CADM2: variants seen among roughly 807,000 people sequenced by gnomAD.
CADM2 encodes the protein immunoglobulin superfamily member 4D.
Under a neutral mutation model 49.8 loss-of-function variants are expected in CADM2, and 12 were observed. The observed-to-expected ratio is 0.24, with a 90% confidence interval of 0.15 to 0.39. CADM2 has a LOEUF of 0.39. CADM2 is among the 10% of genes least tolerant of loss of function. The pLI, the probability that CADM2 is intolerant of heterozygous loss-of-function variation, is 1.00. For missense variants in CADM2, 378 were observed against 492.3 expected (o/e 0.77, Z 2.20); for synonymous variants, 214 against 175.4 (o/e 1.22, Z -1.74).
intron 1 of CADM2, among the ~76,000 whole-genome samples, chr3:85,235,142 G>T (rs1189994695): frequency 6.6e-6 from 1 of 151,766 alleles, no homozygotes; most frequent in African/African-American, 2.4e-5. Context: ...TCTCTAAACG[G>T]AAAAAAATTT....
chr3:85,007,583 T>C (rs1269819418), intron 1 of CADM2, among the ~76,000 whole-genome samples: 1 of 152,154 alleles, frequency 6.6e-6, no homozygotes, highest in African/African-American at 2.4e-5. Context: ...TCCGAGAGAA[T>C]GCTTTAACAG....
At chr3:85,219,383 A>C (rs2041997477) in intron 1 of CADM2, among the ~76,000 whole-genome samples, 1 of 152,178 alleles carries the variant, frequency 6.6e-6, no homozygotes, top group Admixed American at 6.5e-5. Context: ...ATAACCTAAA[A>C]CGTTCACTTC....
At chr3:85,900,760 G>A (rs935515067) in intron 5 of CADM2, among the ~76,000 whole-genome samples, 3 of 152,104 alleles carry the variant, frequency 2.0e-5, no homozygotes, top group African/African-American at 7.2e-5. Context: ...ATCCGGTGAT[G>A]GAGGGACTTA....
At chr3:85,113,986 AT>A (rs2038553247) in intron 1 of CADM2, among the ~76,000 whole-genome samples, 2 of 152,080 alleles carry the variant, frequency 1.3e-5, no homozygotes, top group South Asian at 4.1e-4. Context: ...AAGCTAAATA[AT>A]TAAGCCTAAT....
At chr3:85,121,982 C>T (rs1206024373) in intron 1 of CADM2, among the ~76,000 whole-genome samples, 1 of 152,030 alleles carries the variant, frequency 6.6e-6, no homozygotes, top group African/African-American at 2.4e-5. Context: ...TCTCTGCATC[C>T]TCAATCGAGT....
At chr3:85,894,116 G>C (rs1301772003) in intron 5 of CADM2, among the ~76,000 whole-genome samples, 1 of 152,206 alleles carries the variant, frequency 6.6e-6, no homozygotes, top group Non-Finnish European at 1.5e-5. Context: ...AACAATGATA[G>C]ACTGGATTAA....
chr3:85,837,623 G>A (rs966827274), intron 3 of CADM2, among the ~76,000 whole-genome samples: 2 of 151,438 alleles, frequency 1.3e-5, no homozygotes, highest in Admixed American at 6.6e-5. Flanking sequence ...CATTTTTGAC[G>A]TTCAATACAC....
chr3:85,693,800 G>A (rs1161143575), intron 1 of CADM2, among the ~76,000 whole-genome samples: 2 of 149,084 alleles, frequency 1.3e-5, no homozygotes, highest in African/African-American at 4.9e-5. Flanking sequence ...GGAGGCTGAG[G>A]CAGGGGAATC....
At chr3:85,884,968 T>A (rs1003548235) in intron 4 of CADM2, among the ~76,000 whole-genome samples, 3 of 150,158 alleles carry the variant, frequency 2.0e-5, no homozygotes, top group African/African-American at 4.9e-5. Context: ...TCACTTGACC[T>A]CGGCCTCCCA....
intron 1 of CADM2, among the ~76,000 whole-genome samples, chr3:85,689,977 C>T (rs1357462994): frequency 2.6e-5 from 4 of 152,086 alleles, no homozygotes; most frequent in East Asian, 1.9e-4. Context: ...TTTTGGATAC[C>T]GACTGTATCT....
In CADM2 at chr3:85,074,121, A is replaced by T. The variant is rs534064651; in HGVS notation, c.61+114453A>T. ...AGCTGTATTTACCAGAGCTCCCGTT[A>T]CCACTTTCACCTCATTTTCTGCTAC... On this transcript the variant is annotated intron_variant, in intron 1 of 9. Transcript: ENST00000383699. 2.6e-5 allele frequency among the ~76,000 whole-genome samples: 4 copies of T among 152,158 alleles called. No individual in the cohort carries two copies. The East Asian group carries it at 7.8e-4, about 30-fold the overall frequency.
intron 1 of CADM2, among the ~76,000 whole-genome samples, chr3:84,991,000 C>A (rs1016283426): frequency 6.6e-6 from 1 of 151,832 alleles, no homozygotes. Flanking sequence ...CAGTAAATGC[C>A]AAAAGAACCC....
chr3:85,894,988 T>C (rs546544345), intron 5 of CADM2, among the ~76,000 whole-genome samples: 1 of 152,282 alleles, frequency 6.6e-6, no homozygotes, highest in Non-Finnish European at 1.5e-5. Context: ...TGTGGAAGGA[T>C]AATTGGGGTC....
intron 1 of CADM2, among the ~76,000 whole-genome samples, chr3:85,070,325 TTTTA>T (rs1173771896): frequency 6.6e-6 from 1 of 152,176 alleles, no homozygotes; most frequent in African/African-American, 2.4e-5. Context: ...GAAATTATCT[TTTTA>T]TTTATTTAGC....
intron 7 of CADM2, among the ~76,000 whole-genome samples, chr3:85,943,790 C>T (rs1325665388): frequency 6.6e-6 from 1 of 151,708 alleles, no homozygotes; most frequent in Non-Finnish European, 1.5e-5. Flanking sequence ...GAAAAACAAG[C>T]AATGGGGAAA....
chr3:85,368,683 T>C (rs1450092845), intron 1 of CADM2, among the ~76,000 whole-genome samples: 1 of 152,066 alleles, frequency 6.6e-6, no homozygotes, highest in East Asian at 1.9e-4. Flanking sequence ...AAAATTACTG[T>C]ATGTCTCTCT....
chr3:85,967,524 A>G (rs761627041), intron 8 of CADM2, among the ~76,000 whole-genome samples: 3 of 151,652 alleles, frequency 2.0e-5, no homozygotes, highest in Non-Finnish European at 4.4e-5. Flanking sequence ...TTTTCTTGCC[A>G]TAGAACTAAG....
At chr3:85,799,385 C>T (rs1315904454) in intron 2 of CADM2, among the ~76,000 whole-genome samples, 2 of 152,152 alleles carry the variant, frequency 1.3e-5, no homozygotes, top group Non-Finnish European at 2.9e-5. Flanking sequence ...TTTGCCCATT[C>T]ATTATGATAT....
At chr3:85,959,201 G>A (rs900141010) in intron 7 of CADM2, among the ~76,000 whole-genome samples, 6 of 149,682 alleles carry the variant, frequency 4.0e-5, no homozygotes, top group Admixed American at 6.7e-5. Context: ...GATGAACAGC[G>A]AGATGAGGAG....
Sources: allele counts gnomAD v4.1 joint callset (sites outside exome capture counted in the v4.1 genomes callset), GRCh38; gene constraint gnomAD v4.1.1; transcripts MANE v1.5; gene names NCBI Gene and HGNC (gene_info 2026-07-23, HGNC 2026-07-21).